The following TFCP2 variants were observed in gnomAD, a reference collection of about 807,000 sequenced individuals.
TFCP2 encodes transcription factor CP2, also known as alpha-globin transcription factor CP2.
In TFCP2, 33 loss-of-function variants were observed where a neutral mutation model predicts 73.4. That is an observed-to-expected ratio of 0.45 (90% CI 0.34 to 0.60). TFCP2 has a LOEUF of 0.60. TFCP2 is among the 20% of genes least tolerant of loss of function. TFCP2 has a pLI of 0.01. For synonymous variants in TFCP2, 193 were observed against 211.6 expected (o/e 0.91, Z 0.76); for missense variants, 352 against 604.0 (o/e 0.58, Z 4.37).
chr12:51,096,841 T>C (rs1004490577), intron 13 of TFCP2, among the ~76,000 whole-genome samples: 11 of 152,200 alleles, frequency 7.2e-5, no homozygotes, highest in African/African-American at 2.7e-4. Flanking sequence ...TCCTGTGTCA[T>C]TCTAGCAATC....
At chr12:51,133,311 C>A (rs1484677437) in intron 1 of TFCP2, among the ~76,000 whole-genome samples, 3 of 151,902 alleles carry the variant, frequency 2.0e-5, no homozygotes, top group Non-Finnish European at 4.4e-5. Flanking sequence ...TATTTTCACT[C>A]TCTCTTTTTT....
chr12:51,099,477 C>CA lies in TFCP2; in HGVS notation c.1276+177dup, dbSNP rs11296144. Among the ~76,000 whole-genome samples the CA allele has an allele frequency of 4.6e-3, 637 of 138,196 alleles. 18 individuals are homozygous for CA. The highest frequency in any genetic ancestry group is 0.037 in the Admixed American group (522 of 13,986). 90.7% of individuals were successfully genotyped at this position (138,196 alleles called of 152,430 possible). A position where few individuals can be genotyped will look rare whatever the true frequency, so the allele number is the denominator to read the frequency against. On this transcript the variant is annotated intron_variant, in intron 12 of 14. Transcript: ENST00000257915. ...TGGGTAACTGAGTGAGACTCTGTCTCAAAAAAAAAAAAAAAGAATGGCACC... is the reference window on the plus strand; with the variant it reads ...TGGGTAACTGAGTGAGACTCTGTCTCAAAAAAAAAAAAAAAAGAATGGCACC...
chr12:51,124,689 G>T, intron 1 of TFCP2: 1 of 652,344 alleles, frequency 1.5e-6, no homozygotes, highest in Non-Finnish European at 2.9e-6. Context: ...GTCCCCCGCG[G>T]TGGCCAGTGA....
chr12:51,095,902 CTA>C, intron 14 of TFCP2, 85 bp downstream of exon 14: 1 of 958,156 alleles, frequency 1.0e-6, no homozygotes, highest in South Asian at 1.8e-5. Flanking sequence ...GTTACTTTTC[CTA>C]TCTCTCCTCA....
At chr12:51,132,611 C>T (rs555258276) in intron 1 of TFCP2, among the ~76,000 whole-genome samples, 6 of 151,986 alleles carry the variant, frequency 3.9e-5, no homozygotes, top group Admixed American at 6.6e-5. Flanking sequence ...CCTTGTGATC[C>T]ACCTGCCTCT....
At chr12:51,107,453 G>A (rs992015644) in intron 6 of TFCP2, 107 bp from the exon 7 acceptor site, 2 of 826,132 alleles carry the variant, frequency 2.4e-6, no homozygotes, top group African/African-American at 3.4e-5. Flanking sequence ...TGTATGTGCA[G>A]TGATGTAAAG....
Position 51,103,660 on chromosome 12 carries a change from A to G in TFCP2, c.1060+10T>C. The stretch of plus-strand genomic sequence containing the variant: ...ATGCTAGGGAAAACAAAAGAAAAAG[A>G]AAATTTAACCTGAGAAGTTTGTGAA... On this transcript the variant is annotated intron_variant, in intron 10 of 14. Transcript: ENST00000257915. 1 of 1,608,766 alleles carries G rather than the reference A, an allele frequency of 6.2e-7. No homozygotes were observed. Among genetic ancestry groups the G allele is most frequent in the Non-Finnish European group, 8.5e-7 (1 of 1,178,084 alleles).
intron 1 of TFCP2, among the ~76,000 whole-genome samples, chr12:51,165,590 A>G (rs1173335934): frequency 2.6e-5 from 4 of 152,216 alleles, no homozygotes; most frequent in African/African-American, 4.8e-5. Context: ...GGTGGTTGCC[A>G]GAGGCTGGAG....
chr12:51,168,040 G>A (rs1484535631), intron 1 of TFCP2, among the ~76,000 whole-genome samples: 1 of 151,778 alleles, frequency 6.6e-6, no homozygotes, highest in East Asian at 1.9e-4. Flanking sequence ...TAGCTTGGGT[G>A]ACAAGAGTGA....
rs926079457 is a variant in TFCP2 at position 51,094,428 on chromosome 12, G to A, written c.*813C>T. 2 of 152,172 alleles carry A rather than the reference G, an allele frequency of 1.3e-5. No individual in the cohort carries two copies. Among genetic ancestry groups the A allele is most frequent in the South Asian group, 2.1e-4 (1 of 4,828 alleles). 9.4% of individuals were successfully genotyped at this position (152,172 alleles called of 1,614,324 possible). A position where few individuals can be genotyped will look rare whatever the true frequency, so the allele number is the denominator to read the frequency against. ...CACCAGAAGGGCCACAGTAATAAGC[G>A]AAGTGAACACAGGTTATAATGGGTA... On this transcript the variant is annotated 3_prime_UTR_variant, in exon 15 of 15. Transcript: ENST00000257915.
At chr12:51,112,582 G>A (rs1379338114) in intron 4 of TFCP2, among the ~76,000 whole-genome samples, 1 of 152,008 alleles carries the variant, frequency 6.6e-6, no homozygotes, top group Non-Finnish European at 1.5e-5. Flanking sequence ...AAAGATTGAT[G>A]CAGGCCAAGC....
chr12:51,127,925 C>CT (rs11421627), intron 1 of TFCP2, among the ~76,000 whole-genome samples: 117,476 of 146,270 alleles, frequency 0.8, 47,963 homozygotes, highest in Non-Finnish European at 0.89. Context: ...ATTTTCTTTT[C>CT]TTTTTTTTTT....
chr12:51,118,525 A>G (rs1466703695), intron 2 of TFCP2, 96 bp downstream of exon 2: 2 of 1,460,208 alleles, frequency 1.4e-6, no homozygotes, highest in Non-Finnish European at 1.9e-6. Flanking sequence ...ACTACACTCC[A>G]GCCTGGGTGA....
intron 1 of TFCP2, among the ~76,000 whole-genome samples, chr12:51,137,657 T>C (rs1941091005): frequency 6.6e-6 from 1 of 152,158 alleles, no homozygotes; most frequent in Non-Finnish European, 1.5e-5. Context: ...ACTGACTCTT[T>C]CCAGTTAGGC....
At chr12:51,130,208 AC>A (rs1396840143) in intron 1 of TFCP2, among the ~76,000 whole-genome samples, 2 of 152,218 alleles carry the variant, frequency 1.3e-5, no homozygotes, top group African/African-American at 4.8e-5. Flanking sequence ...GCAGTGGCTC[AC>A]GCCTATAATC....
chr12:51,141,128 C>T (rs1271105056), intron 1 of TFCP2, among the ~76,000 whole-genome samples: 1 of 150,316 alleles, frequency 6.7e-6, no homozygotes, highest in Non-Finnish European at 1.5e-5. Flanking sequence ...GATGGGGTCT[C>T]ACCATCTTGC....
chr12:51,115,625 T>C (rs1226383072), intron 4 of TFCP2, among the ~76,000 whole-genome samples: 1 of 152,180 alleles, frequency 6.6e-6, no homozygotes, highest in Non-Finnish European at 1.5e-5. Context: ...TTATTCACAA[T>C]AGCCAGGAAA....
chr12:51,128,593 A>G (rs1298527038), intron 1 of TFCP2, among the ~76,000 whole-genome samples: 1 of 152,200 alleles, frequency 6.6e-6, no homozygotes, highest in Admixed American at 6.5e-5. Flanking sequence ...AGGCATAAAT[A>G]TAGTATCTGG....
intron 1 of TFCP2, among the ~76,000 whole-genome samples, chr12:51,146,462 C>T (rs1434539397): frequency 6.6e-6 from 1 of 151,614 alleles, no homozygotes; most frequent in Non-Finnish European, 1.5e-5. Context: ...AGGTGCTGGC[C>T]TCATAAGAAA....
Sources: gnomAD v4.1 joint callset for allele counts (sites outside exome capture counted in the v4.1 genomes callset) on GRCh38, gnomAD v4.1.1 for gene constraint, MANE v1.5 for transcripts, NCBI Gene and HGNC (gene_info 2026-07-23, HGNC 2026-07-21) for gene names.